The following ADAM7 variants were observed in gnomAD, a reference collection of about 807,000 sequenced individuals.
The protein encoded by ADAM7 is ADAM metallopeptidase domain 7.
In ADAM7, 97 loss-of-function variants were observed where a neutral mutation model predicts 102.9. The ratio of observed to expected loss-of-function variants is 0.94; its 90% CI spans 0.80 to 1.12. ADAM7 has a LOEUF of 1.12. Among genes scored for constraint, ADAM7 ranks in the 50% most tolerant of loss-of-function variants. The probability of loss-of-function intolerance (pLI) is 0.00; values close to 1 mark genes in which losing one functional copy is unlikely to be tolerated. For synonymous variants in ADAM7, 334 were observed against 304.4 expected, an observed-to-expected ratio of 1.10 and a Z score of -1.01; for missense variants, 991 against 908.7, an observed-to-expected ratio of 1.09 and a Z score of -1.16.
At chr8:24,452,471 AC>A (rs1168912597) in intron 3 of ADAM7, among the ~76,000 whole-genome samples, 1 of 150,606 alleles carries the variant, frequency 6.6e-6, no homozygotes, top group African/African-American at 2.4e-5. Context: ...TAGGATTGCA[AC>A]CCCTGCCTTT....
chr8:24,477,760 T>A (rs1819816732), intron 8 of ADAM7, among the ~76,000 whole-genome samples: 1 of 152,126 alleles, frequency 6.6e-6, no homozygotes, highest in African/African-American at 2.4e-5. Flanking sequence ...GCATATTAGA[T>A]CCTGTGATTT....
At chr8:24,491,528 GA>G (rs1380821226) in intron 13 of ADAM7, among the ~76,000 whole-genome samples, 5 of 152,116 alleles carry the variant, frequency 3.3e-5, no homozygotes, top group African/African-American at 1.2e-4. Flanking sequence ...ATTGGGACTG[GA>G]GATTTCCTCA....
At chr8:24,451,370 T>G (rs1818782144) in intron 3 of ADAM7, among the ~76,000 whole-genome samples, 1 of 152,236 alleles carries the variant, frequency 6.6e-6, no homozygotes, top group Non-Finnish European at 1.5e-5. Context: ...CTTCCTGGTT[T>G]AGTCTTGGGA....
chr8:24,489,613 C>T (rs1820270022), intron 12 of ADAM7, among the ~76,000 whole-genome samples: 1 of 152,080 alleles, frequency 6.6e-6, no homozygotes, highest in Non-Finnish European at 1.5e-5. Flanking sequence ...GACAAGGGCC[C>T]ATAAGTGTCC....
chr8:24,454,972 A>C (rs1371966237), intron 3 of ADAM7, among the ~76,000 whole-genome samples: 1 of 152,228 alleles, frequency 6.6e-6, no homozygotes, highest in African/African-American at 2.4e-5. Context: ...CTATTAATAG[A>C]TGAAGAGTTT....
intron 4 of ADAM7, among the ~76,000 whole-genome samples, chr8:24,465,489 C>T (rs1343645032): frequency 6.6e-6 from 1 of 152,162 alleles, no homozygotes; most frequent in Non-Finnish European, 1.5e-5. Context: ...TTGCTTTACA[C>T]AACATAATCA....
At chr8:24,492,893 T>C (rs935725246) in intron 15 of ADAM7, 150 bp from the exon 16 acceptor site, 19 of 724,380 alleles carry the variant, frequency 2.6e-5, no homozygotes, top group Non-Finnish European at 3.6e-5. Flanking sequence ...GCCAAGACTT[T>C]GCTCAGTGGT....
In ADAM7 at chr8:24,491,988, C is replaced by T. The variant is rs890070716; in HGVS notation, c.1442C>T (p.Pro481Leu). ...EMCTGHSPAC[P>L]KDQFRVNGFP... ...TGCACTGGCCACTCGCCTGCCTGTC[C>T]TAAGGACCAGTTCAGGGTCAATGGA... The change falls in exon 14 of 22, where the codon CCT becomes CTT. Residue 481 changes from proline (P) to leucine (L), a missense_variant. Transcript: ENST00000175238. The T allele has an allele frequency of 6.2e-7, 1 of 1,613,958 alleles. No homozygotes were observed. The highest frequency in any genetic ancestry group is 8.5e-7 in the Non-Finnish European group (1 of 1,179,884).
rs779534662 is a variant in ADAM7, at chr8:24,507,475, T to G, written c.2209-5T>G. On this transcript the variant is annotated splice_region_variant and splice_polypyrimidine_tract_variant and intron_variant, in intron 20 of 21. Coordinates refer to ENST00000175238, the MANE Select transcript of ADAM7 (RefSeq NM_003817.4). ...ACATGATACAACATAATTTATTTAT[T>G]ATAGAAACCTGCAAGTAAAGATTCA... 6.2e-7 allele frequency: 1 copy of G among 1,610,068 alleles called. No individual in the cohort carries two copies. The highest frequency in any genetic ancestry group is 2.2e-5 in the East Asian group (1 of 44,782).
At chr8:24,447,438 G>T (rs546650011) in intron 3 of ADAM7, among the ~76,000 whole-genome samples, 176 bp downstream of exon 3, 6 of 152,216 alleles carry the variant, frequency 3.9e-5, no homozygotes, top group Admixed American at 2.6e-4. Context: ...AAAGCTTAAA[G>T]ACAATCACAG....
At chr8:24,485,501 C>A in intron 10 of ADAM7, 140 bp downstream of exon 10, 2 of 619,912 alleles carry the variant, frequency 3.2e-6, no homozygotes, top group South Asian at 6.9e-5. Flanking sequence ...TGTTATGCTT[C>A]CTTTATTAAA....
At chr8:24,486,595 T>C (rs1820152028) in intron 10 of ADAM7, among the ~76,000 whole-genome samples, 1 of 152,216 alleles carries the variant, frequency 6.6e-6, no homozygotes, top group Non-Finnish European at 1.5e-5. Flanking sequence ...TAGAAAGTTA[T>C]TTCTCGGAGG....
In ADAM7 at chr8:24,447,324, G is replaced by A. The variant is rs765927105; in HGVS notation, c.233+62G>A. The A allele has an allele frequency of 5.2e-5, 48 of 921,366 alleles. No homozygotes were observed. The South Asian group carries it at 6.3e-4, about 12-fold the overall frequency. The allele number at this position is 921,366 out of a possible 1,614,324, so 57.1% of individuals were successfully genotyped here. A position where few individuals can be genotyped will look rare whatever the true frequency, so the allele number is the denominator to read the frequency against. On this transcript the variant is annotated intron_variant, in intron 3 of 21. Coordinates refer to ENST00000175238, the MANE Select transcript of ADAM7 (RefSeq NM_003817.4). ...TAGTAATTATGGTAAGCCAATTTTC[G>A]TAAAAACTGCCAGTGAAGAGGATTC...
At chr8:24,501,375 A>AT (rs1223345090) in intron 19 of ADAM7, 102 bp from the exon 20 acceptor site, 3 of 818,270 alleles carry the variant, frequency 3.7e-6, no homozygotes, top group Non-Finnish European at 5.8e-6. Context: ...TGAAATGGAA[A>AT]TTTTTGAAAT....
intron 2 of ADAM7, among the ~76,000 whole-genome samples, chr8:24,443,615 T>A (rs1818448681): frequency 1.3e-5 from 2 of 152,164 alleles, no homozygotes; most frequent in South Asian, 4.1e-4. Context: ...ACGACTACTG[T>A]CCTAAGACTT....
chr8:24,483,020 A>G (rs1197076067), intron 9 of ADAM7, among the ~76,000 whole-genome samples: 1 of 152,070 alleles, frequency 6.6e-6, no homozygotes, highest in Non-Finnish European at 1.5e-5. Context: ...ATTTCCCCTC[A>G]TCAAAATCTG....
intron 5 of ADAM7, 99 bp from the exon 6 acceptor site, chr8:24,466,700 C>A: frequency 9.0e-7 from 1 of 1,105,634 alleles, no homozygotes; most frequent in Non-Finnish European, 1.3e-6. Context: ...TCATGAAGCA[C>A]TGGCTTTGTG....
At chr8:24,447,391 A>G in intron 3 of ADAM7, 129 bp downstream of exon 3, 2 of 438,592 alleles carry the variant, frequency 4.6e-6, no homozygotes, top group Admixed American at 8.6e-5. Flanking sequence ...TTCCTCTTCA[A>G]ATAAAAGCTC....
chr8:24,482,569 C>A (rs1420913549), intron 9 of ADAM7, among the ~76,000 whole-genome samples: 1 of 151,964 alleles, frequency 6.6e-6, no homozygotes, highest in Non-Finnish European at 1.5e-5. Flanking sequence ...GGCAACATAG[C>A]AAGACCCCAT....
Sources: gnomAD v4.1 joint callset for allele counts (sites outside exome capture counted in the v4.1 genomes callset) on GRCh38, gnomAD v4.1.1 for gene constraint, MANE v1.5 for transcripts, NCBI Gene and HGNC (gene_info 2026-07-23, HGNC 2026-07-21) for gene names.